CLEC16A: variants seen among roughly 807,000 people sequenced by gnomAD.
CLEC16A encodes C-type lectin domain containing 16A, also known as protein CLEC16A.
CLEC16A carries 51 observed loss-of-function variants against 109.5 expected under a neutral mutation model. The observed-to-expected ratio is 0.47, with a 90% CI of 0.37 to 0.59. CLEC16A has a LOEUF of 0.59. Among genes scored for constraint, CLEC16A ranks in the 20% least tolerant of loss-of-function variants. The pLI is 0.00. For synonymous variants in CLEC16A, 673 were observed against 564.2 expected (o/e 1.19, Z -2.73); for missense variants, 1,339 against 1,394.0 (o/e 0.96, Z 0.63).
rs2044763044 is a variant in CLEC16A at position 11,003,042 on chromosome 16, A to G, written c.1072-32A>G. On this transcript the variant is annotated intron_variant, in intron 10 of 23. Transcript: ENST00000409790. Reference sequence around the variant, plus strand: ...CATCCAGCAGGATTCTAGTGTTCAAATTCACCTGTTGCCTTCGTTGGACTT... The same window carrying G: ...CATCCAGCAGGATTCTAGTGTTCAAGTTCACCTGTTGCCTTCGTTGGACTT... 5 of 1,559,998 alleles carry G rather than the reference A, an allele frequency of 3.2e-6. No individual in the cohort carries two copies. The South Asian group carries it at 4.7e-5, about 15-fold the overall frequency.
Position 11,166,494 on chromosome 16 carries a change from C to G in CLEC16A, c.2748C>G (p.His916Gln). 1 of 1,609,722 alleles carries G rather than the reference C, an allele frequency of 6.2e-7. No individual in the cohort carries two copies. Among genetic ancestry groups the G allele is most frequent in the Non-Finnish European group, 8.5e-7 (1 of 1,179,740 alleles). Residue 916 changes from histidine to glutamine, a missense_variant, in exon 23 of 24, where the codon CAC (histidine) becomes CAG (glutamine). This residue lies in a region of CLEC16A where 1,061 missense variants were observed against 1,006.8 expected (regional missense o/e 1.05). Coordinates refer to ENST00000409790, the MANE Select transcript of CLEC16A (RefSeq NM_015226.3). ...CCAGCGGCAGCGGGAGCACCAGCCACTGCGACTCTGGAGGCACCAGCTCGT... is the reference window on the plus strand; with the variant it reads ...CCAGCGGCAGCGGGAGCACCAGCCAGTGCGACTCTGGAGGCACCAGCTCGT... Reference protein sequence around the residue: ...GSPSGSGSTSHCDSGGTSSSS... With the variant: ...GSPSGSGSTSQCDSGGTSSSS...
intron 19 of CLEC16A, among the ~76,000 whole-genome samples, chr16:11,061,593 G>A (rs1289643292): frequency 6.6e-6 from 1 of 152,220 alleles, no homozygotes; most frequent in African/African-American, 2.4e-5. Context: ...GCCTGACCGT[G>A]TTCCTGGAAC....
chr16:11,130,113 C>T (rs1002519672), intron 22 of CLEC16A, among the ~76,000 whole-genome samples: 109 of 152,174 alleles, frequency 7.2e-4, no homozygotes, highest in African/African-American at 2.6e-3. Flanking sequence ...TGGCTGATGC[C>T]TTTGTGTGCC....
chr16:10,979,513 A>T (rs984442888), intron 9 of CLEC16A, 131 bp downstream of exon 9: 1 of 753,696 alleles, frequency 1.3e-6, no homozygotes, highest in Non-Finnish European at 2.2e-6. Context: ...AAATAACAGC[A>T]AAACAGAAGG....
At chr16:11,166,938 T>C (rs1317262194) in intron 23 of CLEC16A, among the ~76,000 whole-genome samples, 1 of 152,168 alleles carries the variant, frequency 6.6e-6, no homozygotes, top group Non-Finnish European at 1.5e-5. Context: ...CTGCTGATTT[T>C]TTTTTTCCTC....
intron 15 of CLEC16A, among the ~76,000 whole-genome samples, chr16:11,042,594 C>T (rs796545777): frequency 2.0e-5 from 3 of 152,312 alleles, no homozygotes; most frequent in East Asian, 1.9e-4. Context: ...TTAGTAGTTT[C>T]TGTTGCAATT....
At chr16:10,999,267 TG>T (rs2044515903) in intron 10 of CLEC16A, among the ~76,000 whole-genome samples, 1 of 152,184 alleles carries the variant, frequency 6.6e-6, no homozygotes, top group African/African-American at 2.4e-5. Flanking sequence ...TATATGTTCA[TG>T]ATTAGAAATC....
At chr16:11,059,074 C>G (rs1392725314) in intron 18 of CLEC16A, among the ~76,000 whole-genome samples, 3 of 152,218 alleles carry the variant, frequency 2.0e-5, no homozygotes, top group African/African-American at 4.8e-5. Context: ...TGAGTTCACA[C>G]CCAGCTCAGC....
Position 10,969,225 on chromosome 16 carries a change from G to C in CLEC16A, c.408G>C (p.Glu136Asp). The C allele has an allele frequency of 6.2e-7, 1 of 1,608,920 alleles. No individual in the cohort carries two copies. The highest frequency in any genetic ancestry group is 8.5e-7 in the Non-Finnish European group (1 of 1,175,830). The change falls in exon 4 of 24, where the codon GAG becomes GAC. Residue 136 changes from glutamate (E) to aspartate (D), a missense_variant. Glu to Asp is a conservative substitution (Grantham distance 45). Around this residue, in one of 3 missense-constraint regions of CLEC16A, gnomAD observed 161 missense variants for 267.1 expected, o/e 0.60. Coordinates refer to ENST00000409790, the MANE Select transcript of CLEC16A (RefSeq NM_015226.3). ...IIVHKFDFSD[E>D]EIMAYYISFL... is the part of the protein sequence containing the mutation. ...TTCATAAATTTGACTTTTCTGATGA[G>C]GAGATTATGGCCTATTATATATCGT...
At chr16:11,068,146 G>A (rs879286905) in intron 19 of CLEC16A, among the ~76,000 whole-genome samples, 2 of 152,100 alleles carry the variant, frequency 1.3e-5, no homozygotes, top group Non-Finnish European at 2.9e-5. Context: ...TGTGACTTTG[G>A]ACAAATCTAT....
chr16:11,092,970 C>T (rs1490745271), intron 19 of CLEC16A, among the ~76,000 whole-genome samples: 1 of 152,214 alleles, frequency 6.6e-6, no homozygotes, highest in East Asian at 1.9e-4. Flanking sequence ...GGAAGCTCCC[C>T]CTACCCCAGT....
rs756161193 is a variant in CLEC16A, at chr16:10,991,423, C to CAAAAAA, written c.1071+8451_1071+8456dup. ...TGGGCGACAGAGCAAGACTCCGTCT[C>CAAAAAA]AAAAAAAAAAAAAAAAAAAAAAAAG... is the stretch of plus-strand genomic sequence containing the variant. On this transcript the variant is annotated intron_variant, in intron 10 of 23. Coordinates refer to ENST00000409790, the MANE Select transcript of CLEC16A (RefSeq NM_015226.3). Among the ~76,000 whole-genome samples, 172 of 63,272 alleles carry CAAAAAA rather than the reference C, an allele frequency of 2.7e-3. 6 individuals carry two copies. Among genetic ancestry groups the CAAAAAA allele is most frequent in the Middle Eastern group, 9.8e-3 (1 of 102 alleles). The allele number at this position is 63,272 out of a possible 152,430, so 41.5% of individuals were successfully genotyped here.
intron 19 of CLEC16A, chr16:11,066,534 G>A (rs1054366457): frequency 6.6e-6 from 1 of 152,396 alleles, no homozygotes; most frequent in African/African-American, 2.4e-5. Flanking sequence ...ATGTCCGGTG[G>A]GCGGGGGAGC....
intron 23 of CLEC16A, among the ~76,000 whole-genome samples, chr16:11,166,959 C>G (rs1006040042): frequency 2.0e-5 from 3 of 152,094 alleles, no homozygotes; most frequent in African/African-American, 7.2e-5. Flanking sequence ...TGTAACATAC[C>G]AGTTTTGTCC....
At chr16:10,997,494 A>C (rs2044399460) in intron 10 of CLEC16A, among the ~76,000 whole-genome samples, 1 of 152,212 alleles carries the variant, frequency 6.6e-6, no homozygotes, top group Non-Finnish European at 1.5e-5. Flanking sequence ...GCCTTTTCAA[A>C]GTTTTTTAAA....
chr16:11,160,937 A>G (rs1284202369), intron 22 of CLEC16A, among the ~76,000 whole-genome samples: 1 of 152,198 alleles, frequency 6.6e-6, no homozygotes, highest in Non-Finnish European at 1.5e-5. Flanking sequence ...CTTTCCAGGA[A>G]ATCCCACATG....
chr16:10,948,818 C>A (rs2041569227), intron 1 of CLEC16A, among the ~76,000 whole-genome samples: 1 of 152,156 alleles, frequency 6.6e-6, no homozygotes, highest in African/African-American at 2.4e-5. Flanking sequence ...TACCTTTTTC[C>A]TGTTGGTGTC....
intron 11 of CLEC16A, among the ~76,000 whole-genome samples, chr16:11,017,304 C>G (rs1346323812): frequency 3.3e-5 from 5 of 152,094 alleles, no homozygotes; most frequent in South Asian, 2.1e-4. Flanking sequence ...CAGTGGAGAA[C>G]AAGACACATA....
intron 16 of CLEC16A, 107 bp downstream of exon 16, chr16:11,044,179 TA>T: frequency 1.1e-6 from 1 of 926,468 alleles, no homozygotes; most frequent in South Asian, 2.6e-5. Context: ...AGTTATTTTT[TA>T]TGCCTATAAT....
Sources: allele counts gnomAD v4.1 joint callset (sites outside exome capture counted in the v4.1 genomes callset), GRCh38; gene constraint gnomAD v4.1.1; regional missense constraint gnomAD v4.1.1; transcripts MANE v1.5; gene names NCBI Gene and HGNC (gene_info 2026-07-23, HGNC 2026-07-21).